The following GOLGA7B variants were observed in gnomAD, a reference collection of about 807,000 sequenced individuals.
GOLGA7B encodes golgin subfamily A member 7B.
In GOLGA7B, 17 loss-of-function variants were observed where a neutral mutation model predicts 21.5. The ratio of observed to expected loss-of-function variants is 0.79; its 90% confidence interval spans 0.54 to 1.19. The LOEUF is 1.19. GOLGA7B is among the 50% of genes most tolerant of loss of function. The pLI is 0.00. For missense variants in GOLGA7B, 169 were observed against 224.4 expected, an observed-to-expected ratio of 0.75 and a Z score of 1.58; for synonymous variants, 87 against 84.0, an observed-to-expected ratio of 1.04 and a Z score of -0.19.
intron 4 of GOLGA7B, among the ~76,000 whole-genome samples, chr10:97,864,684 A>C (rs2050000105): frequency 6.6e-6 from 1 of 152,170 alleles, no homozygotes. Context: ...TATGCAAATC[A>C]CCACATTCAT....
In GOLGA7B at chr10:97,857,018, CTGTAGGT is replaced by C. The variant is rs1291931191; in HGVS notation, c.13-2436_13-2430del. On this transcript the variant is annotated intron_variant, in intron 1 of 4. Coordinates refer to ENST00000370602, the MANE Select transcript of GOLGA7B (RefSeq NM_001010917.3). ...TAATTTGCAAATATTTTCTCCCTTT[CTGTAGGT>C]TGTCTGTATACTTTGTTGATTATTT... Among the ~76,000 whole-genome samples, 9 of 152,206 alleles carry C rather than the reference CTGTAGGT, an allele frequency of 5.9e-5. No individual in the cohort carries two copies. In the East Asian group the frequency reaches 1.7e-3, roughly 29 times the overall value.
At position 97,865,668 on chromosome 10, in the gene GOLGA7B, A is replaced by C; in HGVS notation, c.472A>C (p.Ser158Arg). 6.2e-7 allele frequency: 1 copy of C among 1,610,124 alleles called. No homozygotes were observed. Among genetic ancestry groups the C allele is most frequent in the Non-Finnish European group, 8.5e-7 (1 of 1,178,250 alleles). ...SGSSSGSGSS[S>R]GGGGGAGAR ...CAGCAGCAGCGGCAGTGGCAGCAGC[A>C]GCGGTGGGGGTGGTGGGGCGGGGGC... is the stretch of plus-strand genomic sequence containing the variant. The change falls in exon 5 of 5, where the codon AGC becomes CGC. Residue 158 changes from serine (S) to arginine (R), a missense_variant. By Grantham distance (110) the Ser-to-Arg change is moderately radical. Transcript: ENST00000370602.
chr10:97,855,415 G>T (rs2049929318), intron 1 of GOLGA7B, among the ~76,000 whole-genome samples: 1 of 152,220 alleles, frequency 6.6e-6, no homozygotes, highest in Non-Finnish European at 1.5e-5. Context: ...AGCAGGTTTT[G>T]TATGGGTCAG....
chr10:97,861,779 C>T (rs1590162252), intron 2 of GOLGA7B, among the ~76,000 whole-genome samples: 1 of 152,088 alleles, frequency 6.6e-6, no homozygotes. Context: ...AGAATGTGGG[C>T]CTCTTTCTCA....
At chr10:97,851,351 G>C (rs1238994496) in intron 1 of GOLGA7B, among the ~76,000 whole-genome samples, 1 of 152,182 alleles carries the variant, frequency 6.6e-6, no homozygotes, top group Non-Finnish European at 1.5e-5. Flanking sequence ...TGGGCATCCT[G>C]GTGAGCAGTG....
chr10:97,856,337 TTTTCTG>T, intron 1 of GOLGA7B, among the ~76,000 whole-genome samples: 1 of 152,334 alleles, frequency 6.6e-6, no homozygotes, highest in East Asian at 1.9e-4. Context: ...TGGTATTTGG[TTTTCTG>T]TTTCTAAGTT....
At chr10:97,852,484 G>C (rs1461556889) in intron 1 of GOLGA7B, among the ~76,000 whole-genome samples, 1 of 152,192 alleles carries the variant, frequency 6.6e-6, no homozygotes, top group African/African-American at 2.4e-5. Flanking sequence ...GGAAGCCTTA[G>C]CTCTGCCAGG....
chr10:97,866,085 C>T lies in GOLGA7B; in HGVS notation c.*385C>T. 4.7e-6 allele frequency: 1 copy of T among 212,392 alleles called. No homozygotes were observed. The allele number at this position is 212,392 out of a possible 1,614,324, so 13.2% of individuals were successfully genotyped here. ...TGCCACATAGAGGACTCCCACACTG[C>T]ATGACCCCTCATCCCAAACCCATAT... On this transcript the variant is annotated 3_prime_UTR_variant, in exon 5 of 5. Transcript: ENST00000370602.
intron 1 of GOLGA7B, 31 bp from the exon 2 acceptor site, chr10:97,859,427 C>G: frequency 6.2e-7 from 1 of 1,611,602 alleles, no homozygotes; most frequent in Non-Finnish European, 8.5e-7. Flanking sequence ...GATGGTCACT[C>G]TCAGCACATG....
At chr10:97,864,774 C>T (rs1426790812) in intron 4 of GOLGA7B, among the ~76,000 whole-genome samples, 1 of 152,152 alleles carries the variant, frequency 6.6e-6, no homozygotes, top group Non-Finnish European at 1.5e-5. Context: ...AGATGAGAGA[C>T]ATGAGGTCTA....
Position 97,859,580 on chromosome 10 carries a change from C to T in GOLGA7B, c.135C>T (p.Ser45=), listed in dbSNP as rs1246154636. ...FQTKFPPELD[S]RIERQLFEET... The stretch of plus-strand genomic sequence containing the variant: ...CCAAATTCCCCCCAGAGCTGGACAG[C>T]CGGGTAAGGATGCCTTTTTCTGCAC... Residue 45 remains serine (S), a synonymous_variant, in exon 2 of 5, where the codon AGC becomes AGT. Transcript: ENST00000370602. The T allele has an allele frequency of 2.5e-6, 4 of 1,613,600 alleles. No homozygotes were observed. The East Asian group carries it at 8.9e-5, about 36-fold the overall frequency.
intron 1 of GOLGA7B, among the ~76,000 whole-genome samples, chr10:97,855,545 C>G (rs2049930065): frequency 6.6e-6 from 1 of 152,204 alleles, no homozygotes; most frequent in African/African-American, 2.4e-5. Flanking sequence ...AATCATCCCT[C>G]CAACTGGCCC....
At position 97,866,647 on chromosome 10, in the gene GOLGA7B, TATGA is replaced by T. The variant is rs112455619; in HGVS notation, c.*951_*954del. On this transcript the variant is annotated 3_prime_UTR_variant, in exon 5 of 5. Coordinates refer to ENST00000370602, the MANE Select transcript of GOLGA7B (RefSeq NM_001010917.3). ...ATGTGTGTGCACCAGTGCACAAGTG[TATGA>T]ATGTGGACACATTTATAAGCACACC... The T allele has an allele frequency of 4.6e-5, 7 of 152,254 alleles. No individual in the cohort carries two copies. The highest frequency in any genetic ancestry group is 1.0e-4 in the Non-Finnish European group (7 of 68,046). 9.4% of individuals were successfully genotyped at this position (152,254 alleles called of 1,614,324 possible).
Position 97,867,173 on chromosome 10 carries a change from G to A in GOLGA7B, c.*1473G>A, listed in dbSNP as rs2050037398. ...GGCTGGGGCTCTTTAAGGCTTTGTAGGTGAGGTTTCCATGGACCTTCAAAG... is the reference window on the plus strand; with the variant it reads ...GGCTGGGGCTCTTTAAGGCTTTGTAAGTGAGGTTTCCATGGACCTTCAAAG... On this transcript the variant is annotated 3_prime_UTR_variant, in exon 5 of 5. Transcript: ENST00000370602. The A allele has an allele frequency of 6.6e-6, 1 of 152,268 alleles. No homozygotes were observed. Among genetic ancestry groups the A allele is most frequent in the East Asian group, 1.9e-4 (1 of 5,180 alleles). The allele number at this position is 152,268 out of a possible 1,614,324, so 9.4% of individuals were successfully genotyped here. A position where few individuals can be genotyped will look rare whatever the true frequency, so the allele number is the denominator to read the frequency against.
chr10:97,850,742 C>G (rs911349948), intron 1 of GOLGA7B, among the ~76,000 whole-genome samples: 3 of 152,204 alleles, frequency 2.0e-5, no homozygotes, highest in African/African-American at 7.2e-5. Context: ...ACAGACTTAC[C>G]TCTACATCCG....
In GOLGA7B at chr10:97,865,892, G is replaced by A. The variant is rs556639649; in HGVS notation, c.*192G>A. 82 of 907,470 alleles carry A rather than the reference G, an allele frequency of 9.0e-5. No homozygotes were observed. The highest frequency in any genetic ancestry group is 3.6e-4 in the Middle Eastern group (1 of 2,812). The allele number at this position is 907,470 out of a possible 1,614,324, so 56.2% of individuals were successfully genotyped here. A position where few individuals can be genotyped will look rare whatever the true frequency, so the allele number is the denominator to read the frequency against. ...CCTATGCCCCCTGTCCCTCACCCCC[G>A]TCTGGATCAGTCCATTTCCTGACCT... On this transcript the variant is annotated 3_prime_UTR_variant, in exon 5 of 5. Transcript: ENST00000370602.
At chr10:97,860,710 C>T (rs1252581581) in intron 2 of GOLGA7B, among the ~76,000 whole-genome samples, 1 of 152,218 alleles carries the variant, frequency 6.6e-6, no homozygotes, top group Non-Finnish European at 1.5e-5. Flanking sequence ...GAATCAGAAT[C>T]AAGTGGTTCA....
rs2049893379 is a variant in GOLGA7B at position 97,849,938 on chromosome 10, C to A, written c.-366C>A. On this transcript the variant is annotated 5_prime_UTR_variant, in exon 1 of 5. Coordinates refer to ENST00000370602, the MANE Select transcript of GOLGA7B (RefSeq NM_001010917.3). Reference sequence around the variant, plus strand: ...TTCCCCCTCCCGGCCAGCGGCGGCTCCTGGCCCCTCCTCCCCCGGCCGCCC... The same window carrying A: ...TTCCCCCTCCCGGCCAGCGGCGGCTACTGGCCCCTCCTCCCCCGGCCGCCC... 1 of 152,108 alleles carries A rather than the reference C, an allele frequency of 6.6e-6. No homozygotes were observed. Among genetic ancestry groups the A allele is most frequent in the Non-Finnish European group, 1.5e-5 (1 of 68,176 alleles). The allele number at this position is 152,108 out of a possible 1,614,324, so 9.4% of individuals were successfully genotyped here.
Position 97,859,454 on chromosome 10 carries a change from T to A in GOLGA7B, c.13-4T>A. 3 of 1,614,062 alleles carry A rather than the reference T, an allele frequency of 1.9e-6. No individual in the cohort carries two copies. The highest frequency in any genetic ancestry group is 2.5e-6 in the Non-Finnish European group (3 of 1,179,952). Reference sequence around the variant, plus strand: ...CAGCACATGCCGCCCGCACGTCTCCTCAGGTCCACAATCTGCAGGAGCTCC... The same window carrying A: ...CAGCACATGCCGCCCGCACGTCTCCACAGGTCCACAATCTGCAGGAGCTCC... On this transcript the variant is annotated splice_polypyrimidine_tract_variant and splice_region_variant and intron_variant, in intron 1 of 4. Coordinates refer to ENST00000370602, the MANE Select transcript of GOLGA7B (RefSeq NM_001010917.3).
Sources: gnomAD v4.1 joint callset for allele counts (sites outside exome capture counted in the v4.1 genomes callset) on GRCh38, gnomAD v4.1.1 for gene constraint, MANE v1.5 for transcripts, NCBI Gene and HGNC (gene_info 2026-07-23, HGNC 2026-07-21) for gene names.